Variants in STPG2 observed in about 807,000 individuals in gnomAD.
STPG2 encodes the protein sperm-tail PG-rich repeat-containing protein 2.
STPG2 carries 56 observed loss-of-function variants against 54.2 expected under a neutral mutation model. That is an observed-to-expected ratio of 1.03 (90% CI 0.83 to 1.29). The LOEUF (loss-of-function observed/expected upper bound fraction) is 1.29. STPG2 is among the 50% of genes most tolerant of loss of function. The pLI is 0.00. For synonymous variants in STPG2, 200 were observed against 181.8 expected, an observed-to-expected ratio of 1.10 and a Z score of -0.81; for missense variants, 596 against 544.9, an observed-to-expected ratio of 1.09 and a Z score of -0.93.
chr4:97,652,520 AT>A (rs1473289621), intron 10 of STPG2, among the ~76,000 whole-genome samples: 2 of 152,030 alleles, frequency 1.3e-5, no homozygotes, highest in African/African-American at 4.8e-5. Context: ...GATGTATGAT[AT>A]TTTATAAAAC....
intron 10 of STPG2, among the ~76,000 whole-genome samples, chr4:97,686,849 T>C (rs1578479851): frequency 6.6e-6 from 1 of 152,036 alleles, no homozygotes; most frequent in East Asian, 1.9e-4. Context: ...TATTATTTTT[T>C]ATAACTAATT....
rs140239707 is a variant in STPG2 at position 97,621,630 on chromosome 4, T to C, written c.1321-62513A>G. Among the ~76,000 whole-genome samples the C allele has an allele frequency of 1.6e-3, 247 of 152,130 alleles. 3 individuals carry two copies. The South Asian group carries it at 0.02, about 12-fold the overall frequency. On this transcript the variant is annotated intron_variant, in intron 10 of 10. Coordinates refer to ENST00000295268, the MANE Select transcript of STPG2 (RefSeq NM_174952.3). ...ACAGTGAGTTCCAAATTTAAATCAG[T>C]AATAAAAAGCCTACCAGTGAAAAGA...
At chr4:97,548,641 T>G (rs991329415) in intron 4 of STPG2, among the ~76,000 whole-genome samples, 3 of 152,218 alleles carry the variant, frequency 2.0e-5, no homozygotes, top group African/African-American at 4.8e-5. Context: ...TTGATTTAGT[T>G]CTTGAATTCT....
intron 5 of STPG2, among the ~76,000 whole-genome samples, chr4:98,072,324 C>A (rs1051409701): frequency 1.3e-5 from 2 of 152,110 alleles, no homozygotes; most frequent in Admixed American, 6.6e-5. Context: ...TACCAAACAT[C>A]GTATGTTCTC....
At chr4:97,715,447 T>C (rs762517389) in intron 9 of STPG2, among the ~76,000 whole-genome samples, 19 of 152,088 alleles carry the variant, frequency 1.2e-4, no homozygotes, top group Non-Finnish European at 2.5e-4. Context: ...CTCTATGAAA[T>C]GTCAACCAAT....
At chr4:97,957,721 T>C (rs1733733158) in intron 7 of STPG2, among the ~76,000 whole-genome samples, 1 of 152,284 alleles carries the variant, frequency 6.6e-6, no homozygotes, top group Non-Finnish European at 1.5e-5. Context: ...AGCAGATTTC[T>C]CAGCAGAAAC....
At chr4:97,858,806 A>G (rs577819287) in intron 8 of STPG2, among the ~76,000 whole-genome samples, 1 of 152,320 alleles carries the variant, frequency 6.6e-6, no homozygotes, top group South Asian at 2.1e-4. Flanking sequence ...TGGTTGATGG[A>G]CATTAAAGCT....
intron 4 of STPG2, among the ~76,000 whole-genome samples, chr4:97,530,896 C>G (rs527293894): frequency 2.0e-5 from 3 of 152,268 alleles, no homozygotes; most frequent in African/African-American, 7.2e-5. Flanking sequence ...CTGGACTTAG[C>G]CAGTGCTCAT....
intron 7 of STPG2, among the ~76,000 whole-genome samples, chr4:97,969,387 C>G (rs552299033): frequency 1.3e-5 from 2 of 152,248 alleles, no homozygotes; most frequent in East Asian, 3.9e-4. Flanking sequence ...ACCTCATAAT[C>G]AAATGACCGT....
intron 4 of STPG2, among the ~76,000 whole-genome samples, chr4:97,540,657 G>A (rs1359953132): frequency 6.6e-6 from 1 of 152,050 alleles, no homozygotes; most frequent in African/African-American, 2.4e-5. Flanking sequence ...GCCTGGCAGA[G>A]ACACAACAAA....
At chr4:98,087,829 G>A (rs888165328) in intron 5 of STPG2, among the ~76,000 whole-genome samples, 3 of 152,036 alleles carry the variant, frequency 2.0e-5, no homozygotes, top group Non-Finnish European at 4.4e-5. Flanking sequence ...CAAAGTGCTG[G>A]GATTACAGGC....
At chr4:97,909,723 A>C (rs1578680568) in intron 8 of STPG2, among the ~76,000 whole-genome samples, 1 of 152,204 alleles carries the variant, frequency 6.6e-6, no homozygotes, top group East Asian at 1.9e-4. Flanking sequence ...GATTTGAAAA[A>C]ATGCTTAATA....
chr4:97,907,973 C>A (rs544255155), intron 8 of STPG2, among the ~76,000 whole-genome samples: 1 of 152,304 alleles, frequency 6.6e-6, no homozygotes, highest in East Asian at 1.9e-4. Flanking sequence ...GTCTTCATGT[C>A]TAAAACACCA....
At chr4:97,778,696 G>A (rs536434514) in intron 9 of STPG2, among the ~76,000 whole-genome samples, 1 of 152,304 alleles carries the variant, frequency 6.6e-6, no homozygotes, top group Non-Finnish European at 1.5e-5. Context: ...GGCGCAGACT[G>A]ACACCTCACA....
chr4:98,024,286 T>A (rs1736339475), intron 5 of STPG2, among the ~76,000 whole-genome samples: 1 of 152,224 alleles, frequency 6.6e-6, no homozygotes, highest in Non-Finnish European at 1.5e-5. Flanking sequence ...TATTCTCCCA[T>A]CATGCTATCA....
intron 8 of STPG2, among the ~76,000 whole-genome samples, chr4:97,930,252 T>A (rs1044543553): frequency 6.6e-6 from 1 of 152,204 alleles, no homozygotes; most frequent in South Asian, 2.1e-4. Context: ...AATCTTTACC[T>A]GTTCTTATGT....
chr4:97,923,589 G>T (rs1484213035), intron 8 of STPG2, among the ~76,000 whole-genome samples: 5 of 152,198 alleles, frequency 3.3e-5, no homozygotes, highest in Non-Finnish European at 5.9e-5. Flanking sequence ...GCATCAATCA[G>T]CACTCTGTGT....
chr4:97,550,351 CAAAT>C (rs1287007105), intron 4 of STPG2, among the ~76,000 whole-genome samples: 2 of 150,996 alleles, frequency 1.3e-5, no homozygotes, highest in African/African-American at 4.9e-5. Flanking sequence ...ATGTACCTAA[CAAAT>C]AAGTGAAGAA....
intron 10 of STPG2, among the ~76,000 whole-genome samples, chr4:97,657,797 T>G (rs1009775577): frequency 1.3e-5 from 2 of 152,224 alleles, no homozygotes; most frequent in African/African-American, 4.8e-5. Flanking sequence ...GTGAACTAGA[T>G]CACTTGTAAA....
Sources: gnomAD v4.1 joint callset for allele counts (sites outside exome capture counted in the v4.1 genomes callset) on GRCh38, gnomAD v4.1.1 for gene constraint, MANE v1.5 for transcripts, NCBI Gene and HGNC (gene_info 2026-07-23, HGNC 2026-07-21) for gene names.